Variants in EZH2 observed in about 807,000 individuals in gnomAD.
EZH2 encodes the protein histone-lysine N-methyltransferase EZH2.
A neutral mutation model predicts 98.4 loss-of-function variants in EZH2; 18 were observed. The ratio of observed to expected loss-of-function variants is 0.18; its 90% CI spans 0.13 to 0.27. The LOEUF (loss-of-function observed/expected upper bound fraction) is 0.27. Ranked by LOEUF, EZH2 falls within the 10% of genes least tolerant of loss-of-function variation. EZH2 has a pLI of 1.00. For missense variants in EZH2, 470 were observed against 935.1 expected (o/e 0.50, Z 6.49); for synonymous variants, 338 against 312.3 (o/e 1.08, Z -0.87).
chr7:148,850,772 C>G (rs1288454945), intron 1 of EZH2, among the ~76,000 whole-genome samples: 2 of 152,184 alleles, frequency 1.3e-5, no homozygotes, highest in Non-Finnish European at 2.9e-5. Flanking sequence ...GCCAACCCCA[C>G]AGCGGATGCC....
intron 1 of EZH2, among the ~76,000 whole-genome samples, chr7:148,859,146 A>G (rs1009520200): frequency 6.6e-6 from 1 of 152,216 alleles, no homozygotes; most frequent in African/African-American, 2.4e-5. Flanking sequence ...GAAACTGAAG[A>G]CTTAGCAATT....
At chr7:148,871,287 G>T (rs371713089) in intron 1 of EZH2, among the ~76,000 whole-genome samples, 2 of 151,056 alleles carry the variant, frequency 1.3e-5, no homozygotes, top group African/African-American at 2.4e-5. Context: ...CAGTACTGAG[G>T]TTACTCAAAA....
At position 148,807,515 on chromosome 7, in the gene EZH2, A is replaced by G. The variant is rs1464779480; in HGVS notation, c.*131T>C. 1.4e-6 allele frequency: 1 copy of G among 740,686 alleles called. No homozygotes were observed. Among genetic ancestry groups the G allele is most frequent in the Admixed American group, 2.3e-5 (1 of 42,688 alleles). The allele number at this position is 740,686 out of a possible 1,614,324, so 45.9% of individuals were successfully genotyped here. A position where few individuals can be genotyped will look rare whatever the true frequency, so the allele number is the denominator to read the frequency against. ...AGTTGATTTTTAAACTCATTACTAT[A>G]AATTATTCTTACAGTACTTTGCAAA... On this transcript the variant is annotated 3_prime_UTR_variant, in exon 20 of 20. Coordinates refer to ENST00000320356, the MANE Select transcript of EZH2 (RefSeq NM_004456.5).
chr7:148,839,936 A>G (rs1585104960), intron 3 of EZH2, among the ~76,000 whole-genome samples: 1 of 152,366 alleles, frequency 6.6e-6, no homozygotes, highest in African/African-American at 2.4e-5. Flanking sequence ...GTAACAGCCA[A>G]TTCACAAATA....
At position 148,809,165 on chromosome 7, in the gene EZH2, GAC is replaced by G. The variant is rs757826380; in HGVS notation, c.2111-12_2111-11del. 3.1e-6 allele frequency: 5 copies of G among 1,613,506 alleles called. No individual in the cohort carries two copies. In the African/African-American group the frequency reaches 4.0e-5, roughly 13 times the overall value. On this transcript the variant is annotated splice_polypyrimidine_tract_variant and intron_variant, in intron 18 of 19. Transcript: ENST00000320356. ...CCGTTAACCATCATAACTGCAAAGA[GAC>G]ACACTGGTGTCAGTGAGCATGAAGA...
chr7:148,858,254 T>C (rs988520666), intron 1 of EZH2, among the ~76,000 whole-genome samples: 2 of 151,546 alleles, frequency 1.3e-5, no homozygotes, highest in Non-Finnish European at 2.9e-5. Flanking sequence ...ATAGCGCCAC[T>C]GCACTCCAGC....
rs1804214952 is a variant in EZH2, at chr7:148,815,173, A to G, written c.1547-134T>C. 7.7e-6 allele frequency: 9 copies of G among 1,168,084 alleles called. No individual in the cohort carries two copies. The South Asian group carries it at 1.1e-4, about 15-fold the overall frequency. The allele number at this position is 1,168,084 out of a possible 1,614,324, so 72.4% of individuals were successfully genotyped here. On this transcript the variant is annotated intron_variant, in intron 13 of 19. Transcript: ENST00000320356. ...CTGCCTTTACTGAATGCATAACATT[A>G]CACATATTCCGGTTTCCACAACGAT...
intron 3 of EZH2, among the ~76,000 whole-genome samples, chr7:148,836,134 G>A (rs1810866870): frequency 1.3e-5 from 2 of 152,222 alleles, no homozygotes; most frequent in African/African-American, 2.4e-5. Context: ...GTCTTGAAAC[G>A]ATACTCAGCA....
intron 16 of EZH2, among the ~76,000 whole-genome samples, chr7:148,810,779 C>G (rs1269949995): frequency 6.6e-6 from 1 of 151,876 alleles, no homozygotes; most frequent in Non-Finnish European, 1.5e-5. Flanking sequence ...GCCTGTAATC[C>G]CAGCTACTCG....
chr7:148,820,178 G>A (rs1411359782), intron 8 of EZH2, among the ~76,000 whole-genome samples: 1 of 152,148 alleles, frequency 6.6e-6, no homozygotes, highest in East Asian at 1.9e-4. Flanking sequence ...TTCAATTCCT[G>A]TGAATCATAC....
intron 1 of EZH2, among the ~76,000 whole-genome samples, chr7:148,883,768 C>T (rs1186900796): frequency 3.9e-5 from 6 of 152,144 alleles, no homozygotes; most frequent in African/African-American, 1.4e-4. Flanking sequence ...CGGGCGCTCC[C>T]GCCGCGGCCG....
chr7:148,834,350 TATACACAC>T (rs765550979), intron 3 of EZH2, among the ~76,000 whole-genome samples: 869 of 82,002 alleles, frequency 0.011, 15 homozygotes, highest in African/African-American at 0.061. Flanking sequence ...TATATATATA[TATACACAC>T]ACACACACAC....
chr7:148,834,352 T>TATATATATATATATATATATATACAC (rs1321608007), intron 3 of EZH2, among the ~76,000 whole-genome samples: 1 of 143,320 alleles, frequency 7.0e-6, no homozygotes, highest in African/African-American at 2.6e-5. Flanking sequence ...TATATATATA[T>TATATATATATATATATATATATACAC]ACACACACAC....
chr7:148,846,846 G>C (rs1478722017), intron 2 of EZH2, among the ~76,000 whole-genome samples: 53 of 50,156 alleles, frequency 1.1e-3, no homozygotes, highest in African/African-American at 6.1e-3. Context: ...GACTGTGTGT[G>C]TGTGTGTGTG....
At chr7:148,850,392 G>T in intron 1 of EZH2, 2 of 593,572 alleles carry the variant, frequency 3.4e-6, no homozygotes, top group Non-Finnish European at 4.2e-6. Context: ...TTTAGTACTA[G>T]AACTGTCCTT....
rs551307705 is a variant in EZH2 at position 148,878,659 on chromosome 7, G to T, written c.-8+5505C>A. ...CACACCTATAATCCCAGCACTTTGG[G>T]AGGCTGAGGTAGGTGGATCTCTTGA... On this transcript the variant is annotated intron_variant, in intron 1 of 19. Coordinates refer to ENST00000320356, the MANE Select transcript of EZH2 (RefSeq NM_004456.5). Among the ~76,000 whole-genome samples the T allele has an allele frequency of 2.5e-4, 38 of 152,300 alleles. No individual in the cohort carries two copies. The East Asian group carries it at 5.8e-3, about 23-fold the overall frequency.
In EZH2 at chr7:148,818,013, G is replaced by A. The variant is rs184733138; in HGVS notation, c.1104C>T (p.Ser368=). ...RRRGRLPNNS[S]RPSTPTINVL... Reference sequence around the variant, plus strand: ...CATTAATGGTGGGGGTGCTGGGCCTGCTACTGTTATTGGGAAGCCGTCCTC... The same window carrying A: ...CATTAATGGTGGGGGTGCTGGGCCTACTACTGTTATTGGGAAGCCGTCCTC... Residue 368 remains serine, a synonymous_variant, in exon 10 of 20, where the codon AGC becomes AGT. Coordinates refer to ENST00000320356, the MANE Select transcript of EZH2 (RefSeq NM_004456.5). 7.4e-6 allele frequency: 12 copies of A among 1,614,124 alleles called. No homozygotes were observed. Among genetic ancestry groups the A allele is most frequent in the Middle Eastern group, 3.3e-4 (2 of 6,062 alleles).
intron 1 of EZH2, among the ~76,000 whole-genome samples, chr7:148,853,568 G>A (rs1005257950): frequency 4.6e-5 from 7 of 152,194 alleles, no homozygotes; most frequent in African/African-American, 1.7e-4. Flanking sequence ...AGTTCCTAAC[G>A]GGCCACAGAC....
At chr7:148,865,125 CAA>C (rs201434328) in intron 1 of EZH2, among the ~76,000 whole-genome samples, 1,663 of 92,324 alleles carry the variant, frequency 0.018, 34 homozygotes, top group African/African-American at 0.055. Context: ...AGACTTGTCT[CAA>C]AAAAAAAAAA....
Sources: gnomAD v4.1 joint callset for allele counts (sites outside exome capture counted in the v4.1 genomes callset) on GRCh38, gnomAD v4.1.1 for gene constraint, MANE v1.5 for transcripts, NCBI Gene and HGNC (gene_info 2026-07-23, HGNC 2026-07-21) for gene names.